The following ATN1 variants were observed in gnomAD, a reference collection of about 807,000 sequenced individuals.
ATN1 encodes the protein atrophin-1.
Under a neutral mutation model 85.8 loss-of-function variants are expected in ATN1, and 19 were observed. That is an observed-to-expected ratio of 0.22 (90% CI 0.15 to 0.32). The LOEUF (loss-of-function observed/expected upper bound fraction) is 0.32. Among genes scored for constraint, ATN1 ranks in the 10% least tolerant of loss-of-function variants. The pLI is 1.00. For synonymous variants in ATN1, 674 were observed against 657.0 expected (o/e 1.03, Z -0.39); for missense variants, 1,453 against 1,564.5 (o/e 0.93, Z 1.20).
chr12:6,930,755 C>T (rs958136180), intron 1 of ATN1, among the ~76,000 whole-genome samples: 1 of 152,108 alleles, frequency 6.6e-6, no homozygotes, highest in Non-Finnish European at 1.5e-5. Context: ...GAGCCGAGAT[C>T]GCGGCACGGC....
At chr12:6,926,728 C>T (rs1439874996), upstream of ATN1, among the ~76,000 whole-genome samples, 1 of 152,144 alleles carries the variant, frequency 6.6e-6, no homozygotes, top group African/African-American at 2.4e-5. Flanking sequence ...ACTCAGCCTC[C>T]GAAAGTGCTG....
chr12:6,925,586 A>G (rs1945392052), upstream of ATN1, among the ~76,000 whole-genome samples: 1 of 152,140 alleles, frequency 6.6e-6, no homozygotes, highest in Non-Finnish European at 1.5e-5. Context: ...TTGGAGTGGT[A>G]AAGTGAGTGC....
chr12:6,937,711 A>G lies in ATN1; in HGVS notation c.2295-134A>G. The stretch of plus-strand genomic sequence containing the variant: ...CTCCGTCCAGGCCTAGTGGCCAGTG[A>G]GGCCCGCAGCAGCTCACAGCCTGCA... On this transcript the variant is annotated intron_variant, in intron 5 of 9. Coordinates refer to ENST00000396684, the MANE Select transcript of ATN1 (RefSeq NM_001940.4). This position sits in a 1 kb window ranked among gnomAD's most constrained non-coding sequence, Gnocchi z 6.0. The G allele has an allele frequency of 2.8e-6, 4 of 1,442,200 alleles. No individual in the cohort carries two copies. Among genetic ancestry groups the G allele is most frequent in the Non-Finnish European group, 3.6e-6 (4 of 1,100,050 alleles). The allele number at this position is 1,442,200 out of a possible 1,614,324, so 89.3% of individuals were successfully genotyped here.
intron 1 of ATN1, among the ~76,000 whole-genome samples, chr12:6,933,225 T>C (rs1363011243): frequency 6.6e-6 from 1 of 152,054 alleles, no homozygotes; most frequent in Non-Finnish European, 1.5e-5. Context: ...TTTTTTCTTT[T>C]TTTTTTTTTG....
chr12:6,938,345 T>G, intron 6 of ATN1, 136 bp from the exon 7 acceptor site: 1 of 1,348,992 alleles, frequency 7.4e-7, no homozygotes, highest in Non-Finnish European at 9.9e-7. Flanking sequence ...GGGGCCGCAG[T>G]TAAGTTCCAG....
Position 6,935,729 on chromosome 12 carries a change from C to A in ATN1, c.462C>A (p.Gly154=), listed in dbSNP as rs1464165564. 1 of 1,613,708 alleles carries A rather than the reference C, an allele frequency of 6.2e-7. No homozygotes were observed. Among genetic ancestry groups the A allele is most frequent in the Admixed American group, 1.7e-5 (1 of 59,978 alleles). ...DSDSSSGLSQ[G]PARPYHPPPL... ...ACTCATCTTCTGGCCTGTCCCAGGG[C>A]CCAGCCCGCCCCTACCACCCACCTC... Residue 154 remains glycine (G), a synonymous_variant, in exon 5 of 10, where the codon GGC becomes GGA. Transcript: ENST00000396684. The surrounding 1 kb of genome is among the most constrained non-coding windows in gnomAD (Gnocchi z 5.3).
At position 6,938,791 on chromosome 12, in the gene ATN1, G is replaced by A. The variant is rs148828880; in HGVS notation, c.2828G>A (p.Arg943His). The part of the protein sequence containing the change: ...REREARERDL[R>H]DRLKPGFEVK... The stretch of plus-strand genomic sequence containing the variant: ...CGGGAAGCCCGTGAACGAGACCTCC[G>A]TGACCGCCTCAAGCCTGGCTTTGAG... Residue 943 changes from arginine (R) to histidine (H), a missense_variant, in exon 7 of 10, where the codon CGT becomes CAT. Coordinates refer to ENST00000396684, the MANE Select transcript of ATN1 (RefSeq NM_001940.4). 7.6e-5 allele frequency: 123 copies of A among 1,614,120 alleles called. No individual in the cohort carries two copies. In the African/African-American group the frequency reaches 1.1e-3, roughly 15 times the overall value.
upstream of ATN1, among the ~76,000 whole-genome samples, chr12:6,926,084 G>A (rs1041977342): frequency 3.5e-4 from 54 of 152,216 alleles, 1 homozygote; most frequent in Admixed American, 3.3e-4. Context: ...TGGCGGAGGT[G>A]CTGGCTTCAC....
In ATN1 at chr12:6,935,603, C is replaced by A; in HGVS notation, c.336C>A (p.Ser112Arg). The A allele has an allele frequency of 6.2e-7, 1 of 1,613,926 alleles. No individual in the cohort carries two copies. The highest frequency in any genetic ancestry group is 8.5e-7 in the Non-Finnish European group (1 of 1,179,874). Residue 112 changes from serine to arginine, a missense_variant, in exon 5 of 10, where the codon AGC (serine) becomes AGA (arginine). By Grantham distance (110) the Ser-to-Arg change is moderately radical. Around this residue, in one of 6 missense-constraint regions of ATN1, gnomAD observed 130 missense variants for 158.2 expected, o/e 0.82. Transcript: ENST00000396684. This position sits in a 1 kb window ranked among gnomAD's most constrained non-coding sequence, Gnocchi z 5.3. ...ATCTGGATAGCTTGGACGGGCGGAGCCTTAATGATGATGGCAGCAGCGACC... is the reference window on the plus strand; with the variant it reads ...ATCTGGATAGCTTGGACGGGCGGAGACTTAATGATGATGGCAGCAGCGACC... ...PSDLDSLDGR[S>R]LNDDGSSDPR...
At chr12:6,939,469 A>T (rs1945604844) in intron 7 of ATN1, among the ~76,000 whole-genome samples, 1 of 152,144 alleles carries the variant, frequency 6.6e-6, no homozygotes, top group Non-Finnish European at 1.5e-5. Flanking sequence ...CTATTCTCAC[A>T]GCCCCATTCT....
rs781835781 is a variant in ATN1, at chr12:6,942,161, G to A, written c.*381G>A. 33 of 273,250 alleles carry A rather than the reference G, an allele frequency of 1.2e-4. No individual in the cohort carries two copies. Among genetic ancestry groups the A allele is most frequent in the African/African-American group, 7.2e-4 (32 of 44,246 alleles). The allele number at this position is 273,250 out of a possible 1,614,324, so 16.9% of individuals were successfully genotyped here. A position where few individuals can be genotyped will look rare whatever the true frequency, so the allele number is the denominator to read the frequency against. On this transcript the variant is annotated 3_prime_UTR_variant, in exon 10 of 10. Transcript: ENST00000396684. ...TTGCGTAGCATCGTGTGCCACCCCT[G>A]CCCCTCCCCGATCCCTGTGTGCGCG...
rs782578924 is a variant in ATN1 at position 6,939,053 on chromosome 12, G to A, written c.3090G>A (p.Arg1030=). The change falls in exon 7 of 10, where the codon AGG becomes AGA. Residue 1030 remains arginine (R), a synonymous_variant. Coordinates refer to ENST00000396684, the MANE Select transcript of ATN1 (RefSeq NM_001940.4). ...CAGCTGAGAGGCAGCACGCAGAAAGGGTGGCGGCCCTGGGCAATGACCCAC... is the reference window on the plus strand; with the variant it reads ...CAGCTGAGAGGCAGCACGCAGAAAGAGTGGCGGCCCTGGGCAATGACCCAC... ...RLAAERQHAE[R]VAALGNDPLA... 3 of 1,606,424 alleles carry A rather than the reference G, an allele frequency of 1.9e-6. No individual in the cohort carries two copies. In the South Asian group the frequency reaches 3.3e-5, roughly 18 times the overall value.
rs1367530988 is a variant in ATN1, at chr12:6,937,297, C to T, written c.2030C>T (p.Ser677Leu). ...ACCCCACCGGGCTATCGAGGAACCTCGCCACCTGCAGGCCCAGGGACCTTC... is the reference window on the plus strand; with the variant it reads ...ACCCCACCGGGCTATCGAGGAACCTTGCCACCTGCAGGCCCAGGGACCTTC... ...TGTPPGYRGT[S>L]PPAGPGTFKP... The change falls in exon 5 of 10, where the codon TCG (serine) becomes TTG (leucine). Residue 677 changes from serine (S) to leucine (L), a missense_variant. By Grantham distance (145) the Ser-to-Leu change is moderately radical. Transcript: ENST00000396684. The surrounding 1 kb of genome is among the most constrained non-coding windows in gnomAD (Gnocchi z 6.0). 6.3e-6 allele frequency: 10 copies of T among 1,595,616 alleles called. No homozygotes were observed. The Admixed American group carries it at 1.0e-4, about 17-fold the overall frequency.
Position 6,934,613 on chromosome 12 carries a change from G to A in ATN1, c.279+35G>A. ...CCTTGTCGCCATCCTGACCCATCTT[G>A]TGACCATTCTTTTCTCAGACTTGCT... On this transcript the variant is annotated intron_variant, in intron 4 of 9. Transcript: ENST00000396684. This position sits in a 1 kb window ranked among gnomAD's most constrained non-coding sequence, Gnocchi z 4.5. 1 of 1,459,704 alleles carries A rather than the reference G, an allele frequency of 6.9e-7. No homozygotes were observed. The allele number at this position is 1,459,704 out of a possible 1,614,324, so 90.4% of individuals were successfully genotyped here.
At chr12:6,939,210 G>A in intron 7 of ATN1, 33 bp downstream of exon 7, 1 of 1,559,784 alleles carries the variant, frequency 6.4e-7, no homozygotes, top group Non-Finnish European at 8.7e-7. Flanking sequence ...CTGGCCCTTT[G>A]GGGCCACCTT....
In ATN1 at chr12:6,936,164, G is replaced by A. The variant is rs1555143596; in HGVS notation, c.897G>A (p.Pro299=). ...PPPANFPHVT[P]NLPPPPALRP... ...CAGCCAACTTCCCCCATGTGACACC[G>A]AACCTGCCTCCCCCACCTGCCCTGA... is the stretch of plus-strand genomic sequence containing the variant. The change falls in exon 5 of 10, where the codon CCG becomes CCA. Residue 299 remains proline, a synonymous_variant. Coordinates refer to ENST00000396684, the MANE Select transcript of ATN1 (RefSeq NM_001940.4). The A allele has an allele frequency of 7.8e-6, 12 of 1,540,464 alleles. No individual in the cohort carries two copies. Among genetic ancestry groups the A allele is most frequent in the Admixed American group, 2.0e-5 (1 of 49,932 alleles).
rs1945587086 is a variant in ATN1, at chr12:6,938,534, G to C, written c.2571G>C (p.Val857=). ...TGGAATGCCCATCTCTGGGCCCAGT[G>C]CCCCATCGCCCTCCATTTGAACCGG... ...APVECPSLGP[V]PHRPPFEPGS... Residue 857 remains valine, a synonymous_variant, in exon 7 of 10, where the codon GTG becomes GTC. Coordinates refer to ENST00000396684, the MANE Select transcript of ATN1 (RefSeq NM_001940.4). 2 of 1,613,948 alleles carry C rather than the reference G, an allele frequency of 1.2e-6. No homozygotes were observed.
chr12:6,938,955 C>T lies in ATN1; in HGVS notation c.2992C>T (p.Leu998=), dbSNP rs1945596718. 6.2e-7 allele frequency: 1 copy of T among 1,613,740 alleles called. No individual in the cohort carries two copies. Among genetic ancestry groups the T allele is most frequent in the Admixed American group, 1.7e-5 (1 of 60,014 alleles). ...PFPFHPSLGP[L]ERERLALAAG... ...CCCCTTTCATCCGAGCCTGGGGCCCCTGGAGCGAGAACGTCTAGCGCTGGC... is the reference window on the plus strand; with the variant it reads ...CCCCTTTCATCCGAGCCTGGGGCCCTTGGAGCGAGAACGTCTAGCGCTGGC... The change falls in exon 7 of 10, where the codon CTG becomes TTG. Residue 998 remains leucine (L), a synonymous_variant. Coordinates refer to ENST00000396684, the MANE Select transcript of ATN1 (RefSeq NM_001940.4).
intron 1 of ATN1, among the ~76,000 whole-genome samples, 184 bp downstream of exon 1, chr12:6,928,568 G>C (rs1245756981): frequency 3.9e-5 from 6 of 152,202 alleles, no homozygotes; most frequent in Non-Finnish European, 8.8e-5. Context: ...GGGGGCTCAG[G>C]GGGTGGGGCC....
Sources: allele counts gnomAD v4.1 joint callset (sites outside exome capture counted in the v4.1 genomes callset), GRCh38; gene constraint gnomAD v4.1.1; regional missense constraint gnomAD v4.1.1; non-coding constraint Gnocchi (gnomAD v3.1); transcripts MANE v1.5; gene names NCBI Gene and HGNC (gene_info 2026-07-23, HGNC 2026-07-21).